The following NME7 variants were observed in gnomAD, a reference collection of about 807,000 sequenced individuals.
NME7 encodes nucleoside diphosphate kinase 7.
NME7 carries 41 observed loss-of-function variants against 49.1 expected under a neutral mutation model. The ratio of observed to expected loss-of-function variants is 0.83; its 90% CI spans 0.65 to 1.08. The LOEUF (loss-of-function observed/expected upper bound fraction) is 1.08, where lower values mean the gene tolerates loss of function less well. NME7 is among the 50% of genes least tolerant of loss of function. The pLI is 0.00. For synonymous variants in NME7, 139 were observed against 150.6 expected (o/e 0.92, Z 0.56); for missense variants, 423 against 463.4 (o/e 0.91, Z 0.80).
chr1:169,150,696 T>G (rs1297579294), intron 11 of NME7, among the ~76,000 whole-genome samples: 3 of 149,436 alleles, frequency 2.0e-5, no homozygotes, highest in Non-Finnish European at 4.4e-5. Flanking sequence ...GAATCATCCA[T>G]GAGTTTAATT....
At chr1:169,365,980 T>A (rs569859102) in intron 1 of NME7, among the ~76,000 whole-genome samples, 5 of 152,328 alleles carry the variant, frequency 3.3e-5, no homozygotes, top group Admixed American at 6.5e-5. Context: ...GTTTTGGTCA[T>A]ATTAAGTTTG....
At chr1:169,352,492 T>C (rs959518490) in intron 1 of NME7, among the ~76,000 whole-genome samples, 1 of 152,084 alleles carries the variant, frequency 6.6e-6, no homozygotes, top group Non-Finnish European at 1.5e-5. Flanking sequence ...GGGGAAAAAC[T>C]GAAAGCATTT....
intron 7 of NME7, among the ~76,000 whole-genome samples, chr1:169,255,622 A>C (rs1048834646): frequency 2.4e-5 from 3 of 126,186 alleles, no homozygotes; most frequent in African/African-American, 8.1e-5. Context: ...TTAGCTGGTT[A>C]TTTTGCTCGT....
intron 1 of NME7, among the ~76,000 whole-genome samples, chr1:169,348,882 A>G (rs74728582): frequency 0.018 from 2,206 of 120,460 alleles, 59 homozygotes; most frequent in African/African-American, 0.065. Context: ...TAAAAGCAAA[A>G]GAAAGAGTTA....
intron 11 of NME7, among the ~76,000 whole-genome samples, chr1:169,156,341 C>G (rs946928708): frequency 7.3e-6 from 1 of 136,522 alleles, no homozygotes; most frequent in Non-Finnish European, 1.6e-5. Flanking sequence ...AAAAAGCCAT[C>G]CAGGAATTGT....
At chr1:169,352,568 T>C (rs1472653831) in intron 1 of NME7, among the ~76,000 whole-genome samples, 3 of 152,032 alleles carry the variant, frequency 2.0e-5, no homozygotes, top group East Asian at 1.9e-4. Flanking sequence ...TAGGAGGTCC[T>C]AGCTATGGCA....
intron 10 of NME7, among the ~76,000 whole-genome samples, chr1:169,179,222 G>T (rs1250725448): frequency 6.6e-6 from 1 of 152,166 alleles, no homozygotes; most frequent in Non-Finnish European, 1.5e-5. Context: ...CAGCATCACT[G>T]ATCATTAGAG....
At chr1:169,302,075 T>G (rs1354958083) in intron 5 of NME7, 1 of 151,780 alleles carries the variant, frequency 6.6e-6, no homozygotes, top group Non-Finnish European at 1.5e-5. Flanking sequence ...GTTGATTTTT[T>G]TTTAAAAAAA....
At chr1:169,364,224 C>T (rs1222685787) in intron 1 of NME7, among the ~76,000 whole-genome samples, 1 of 152,198 alleles carries the variant, frequency 6.6e-6, no homozygotes, top group Non-Finnish European at 1.5e-5. Context: ...CAACAGTTCA[C>T]ATTTTAGTAA....
intron 10 of NME7, among the ~76,000 whole-genome samples, chr1:169,185,162 T>C (rs897952678): frequency 6.6e-5 from 10 of 152,168 alleles, no homozygotes; most frequent in African/African-American, 2.4e-4. Context: ...TGATACAATT[T>C]CTTCCTGACT....
intron 7 of NME7, among the ~76,000 whole-genome samples, chr1:169,252,482 T>A (rs1352801416): frequency 3.3e-5 from 5 of 152,076 alleles, no homozygotes; most frequent in Admixed American, 3.3e-4. Context: ...GAAGAGTAGG[T>A]TGCGAAAATT....
intron 10 of NME7, among the ~76,000 whole-genome samples, chr1:169,216,966 C>T (rs1466731911): frequency 1.3e-5 from 2 of 152,312 alleles, no homozygotes; most frequent in East Asian, 1.9e-4. Flanking sequence ...TCACCACATA[C>T]ACAAAAGTTG....
intron 6 of NME7, among the ~76,000 whole-genome samples, chr1:169,290,973 C>A (rs1048460070): frequency 6.6e-6 from 1 of 152,084 alleles, no homozygotes; most frequent in South Asian, 2.1e-4. Flanking sequence ...CCATCTCATG[C>A]CAGTTAGAAT....
chr1:169,331,954 A>C (rs1196467440), intron 1 of NME7, among the ~76,000 whole-genome samples: 1 of 152,150 alleles, frequency 6.6e-6, no homozygotes, highest in African/African-American at 2.4e-5. Flanking sequence ...CAAAGAATAG[A>C]AATAGAAAAA....
At chr1:169,293,301 C>CAA (rs200283897) in intron 6 of NME7, among the ~76,000 whole-genome samples, 19 of 108,662 alleles carry the variant, frequency 1.7e-4, no homozygotes, top group Non-Finnish European at 1.7e-4. Flanking sequence ...CTCTTGTCTC[C>CAA]AAAAAAAAAA....
At chr1:169,250,491 CT>C (rs1168067781) in intron 7 of NME7, among the ~76,000 whole-genome samples, 1 of 151,928 alleles carries the variant, frequency 6.6e-6, no homozygotes, top group Non-Finnish European at 1.5e-5. Flanking sequence ...CTGCTCTGAT[CT>C]TTGTTATTTC....
intron 10 of NME7, among the ~76,000 whole-genome samples, chr1:169,221,528 T>C (rs1411873469): frequency 6.6e-6 from 1 of 152,176 alleles, no homozygotes; most frequent in Non-Finnish European, 1.5e-5. Context: ...GAAATCAGCA[T>C]GGCTGGCTTT....
At chr1:169,174,783 T>TA (rs1367622415) in intron 10 of NME7, among the ~76,000 whole-genome samples, 1 of 152,170 alleles carries the variant, frequency 6.6e-6, no homozygotes, top group African/African-American at 2.4e-5. Context: ...AGAGGGCACT[T>TA]ACCATGAATG....
intron 10 of NME7, among the ~76,000 whole-genome samples, chr1:169,208,801 T>C (rs1660741932): frequency 6.6e-6 from 1 of 152,090 alleles, no homozygotes; most frequent in South Asian, 2.1e-4. Context: ...CCAAAAAGTC[T>C]CTAAATGTTG....
Sources: gnomAD v4.1 joint callset for allele counts (sites outside exome capture counted in the v4.1 genomes callset) on GRCh38, gnomAD v4.1.1 for gene constraint, MANE v1.5 for transcripts, NCBI Gene and HGNC (gene_info 2026-07-23, HGNC 2026-07-21) for gene names.